AGBL4: variants seen among roughly 807,000 people sequenced by gnomAD.
AGBL4 encodes AGBL carboxypeptidase 4.
In AGBL4, 58 loss-of-function variants were observed where a neutral mutation model predicts 66.4. That is an observed-to-expected ratio of 0.87 (90% CI 0.71 to 1.09). The LOEUF is 1.09. Ranked by LOEUF, AGBL4 falls within the 50% of genes least tolerant of loss-of-function variation. The probability of loss-of-function intolerance (pLI) is 0.00; values close to 1 mark genes in which losing one functional copy is unlikely to be tolerated. For synonymous variants in AGBL4, 234 were observed against 222.9 expected, an observed-to-expected ratio of 1.05 and a Z score of -0.44; for missense variants, 579 against 631.0, an observed-to-expected ratio of 0.92 and a Z score of 0.88.
intron 9 of AGBL4, among the ~76,000 whole-genome samples, chr1:48,618,470 T>C (rs1047145336): frequency 2.6e-5 from 4 of 152,278 alleles, no homozygotes; most frequent in Non-Finnish European, 4.4e-5. Flanking sequence ...GAGCAAGCCA[T>C]TGCCCTGCCC....
intron 6 of AGBL4, among the ~76,000 whole-genome samples, chr1:48,706,267 A>G (rs1174824726): frequency 1.3e-5 from 2 of 152,174 alleles, no homozygotes; most frequent in Non-Finnish European, 2.9e-5. Context: ...AGGAAACTTA[A>G]GTAAGGAAAA....
At chr1:49,189,390 T>G (rs758778591) in intron 4 of AGBL4, among the ~76,000 whole-genome samples, 9 of 152,188 alleles carry the variant, frequency 5.9e-5, no homozygotes, top group African/African-American at 9.6e-5. Context: ...GAACAGCTGG[T>G]TTCCTCTCTG....
chr1:49,574,107 G>A lies in AGBL4; in HGVS notation c.282+123206C>T, dbSNP rs1041367883. Among the ~76,000 whole-genome samples the A allele has an allele frequency of 2.6e-5, 4 of 152,270 alleles. No individual in the cohort carries two copies. In the East Asian group the frequency reaches 7.7e-4, roughly 29 times the overall value. Reference sequence around the variant, plus strand: ...TAGACCTATAACTAAAGTCTCAGTGGGCCCCTAGAGGTAAGGGTGAGAGTG... The same window carrying A: ...TAGACCTATAACTAAAGTCTCAGTGAGCCCCTAGAGGTAAGGGTGAGAGTG... On this transcript the variant is annotated intron_variant, in intron 3 of 13. Coordinates refer to ENST00000371839, the MANE Select transcript of AGBL4 (RefSeq NM_032785.4).
intron 3 of AGBL4, among the ~76,000 whole-genome samples, chr1:49,578,800 C>T (rs1644487232): frequency 1.3e-5 from 2 of 152,088 alleles, no homozygotes; most frequent in South Asian, 2.1e-4. Context: ...CTCAGTAGAG[C>T]GTATGGGTTG....
chr1:49,959,347 G>A (rs1406400393), intron 1 of AGBL4, among the ~76,000 whole-genome samples: 2 of 151,994 alleles, frequency 1.3e-5, no homozygotes, highest in East Asian at 1.9e-4. Context: ...TAGAGACAAG[G>A]AGAAAAGAAA....
chr1:48,886,036 C>A (rs542058572), intron 5 of AGBL4, among the ~76,000 whole-genome samples: 1 of 152,276 alleles, frequency 6.6e-6, no homozygotes, highest in South Asian at 2.1e-4. Context: ...CAAGATGGAA[C>A]CCACTCTGCC....
chr1:49,809,670 T>G (rs1267258590), intron 2 of AGBL4, among the ~76,000 whole-genome samples: 2 of 152,166 alleles, frequency 1.3e-5, no homozygotes, highest in Non-Finnish European at 2.9e-5. Context: ...TTAATTGTTC[T>G]TACCACAATA....
intron 6 of AGBL4, among the ~76,000 whole-genome samples, chr1:48,767,951 T>C (rs1375800122): frequency 1.3e-5 from 2 of 152,184 alleles, no homozygotes; most frequent in Non-Finnish European, 2.9e-5. Context: ...CTGGGCAACA[T>C]TCCTTACAAA....
At chr1:49,940,503 A>C (rs1328301054) in intron 1 of AGBL4, among the ~76,000 whole-genome samples, 1 of 152,194 alleles carries the variant, frequency 6.6e-6, no homozygotes, top group East Asian at 1.9e-4. Flanking sequence ...CATATACACC[A>C]TGGAATACTA....
At chr1:49,596,350 T>C (rs1644853756) in intron 3 of AGBL4, among the ~76,000 whole-genome samples, 1 of 152,152 alleles carries the variant, frequency 6.6e-6, no homozygotes, top group Admixed American at 6.5e-5. Context: ...TTGTATTTTT[T>C]GGTAGAGACA....
chr1:48,889,303 T>A (rs777782082), intron 5 of AGBL4, among the ~76,000 whole-genome samples: 1 of 152,166 alleles, frequency 6.6e-6, no homozygotes, highest in Non-Finnish European at 1.5e-5. Context: ...TCTCTAATCA[T>A]ATACAGTCTA....
intron 11 of AGBL4, among the ~76,000 whole-genome samples, chr1:48,550,656 T>C (rs923407656): frequency 6.6e-6 from 1 of 152,158 alleles, no homozygotes; most frequent in African/African-American, 2.4e-5. Flanking sequence ...CCACACTGCC[T>C]GAGATTTCAT....
intron 6 of AGBL4, among the ~76,000 whole-genome samples, chr1:48,788,059 G>A (rs1645451406): frequency 6.6e-6 from 1 of 152,176 alleles, no homozygotes; most frequent in Admixed American, 6.5e-5. Flanking sequence ...TCAGTTTTGG[G>A]CTCAATTACT....
intron 3 of AGBL4, among the ~76,000 whole-genome samples, chr1:49,557,254 G>T (rs906068877): frequency 9.2e-5 from 14 of 152,090 alleles, no homozygotes; most frequent in African/African-American, 3.4e-4. Flanking sequence ...CTAGCATGTT[G>T]TCACCTCTCA....
chr1:49,761,724 T>C (rs897070026), intron 2 of AGBL4, among the ~76,000 whole-genome samples: 3 of 152,202 alleles, frequency 2.0e-5, no homozygotes, highest in Non-Finnish European at 4.4e-5. Context: ...ACCTCTCTTA[T>C]AGCTTTTTAA....
intron 2 of AGBL4, among the ~76,000 whole-genome samples, chr1:49,742,583 C>T (rs542670731): frequency 3.5e-4 from 53 of 151,834 alleles, no homozygotes; most frequent in South Asian, 2.1e-3. Context: ...AAAAAGAGCC[C>T]GCATCGCCAA....
chr1:48,610,548 AG>A (rs1645221743), intron 9 of AGBL4, among the ~76,000 whole-genome samples: 1 of 152,210 alleles, frequency 6.6e-6, no homozygotes, highest in South Asian at 2.1e-4. Flanking sequence ...TGAAGATAAA[AG>A]ATGATATTTA....
intron 6 of AGBL4, among the ~76,000 whole-genome samples, chr1:48,682,483 A>T (rs147034626): frequency 6.7e-6 from 1 of 150,042 alleles, no homozygotes; most frequent in African/African-American, 2.5e-5. Flanking sequence ...ATCATGGCTC[A>T]CTGCAGCCTC....
chr1:48,905,802 A>C (rs781576411), intron 5 of AGBL4, among the ~76,000 whole-genome samples: 20 of 152,228 alleles, frequency 1.3e-4, no homozygotes, highest in Non-Finnish European at 1.0e-4. Context: ...AGACATGGCA[A>C]TACTACCACA....
Sources: allele counts gnomAD v4.1 joint callset (sites outside exome capture counted in the v4.1 genomes callset), GRCh38; gene constraint gnomAD v4.1.1; transcripts MANE v1.5; gene names NCBI Gene and HGNC (gene_info 2026-07-23, HGNC 2026-07-21).